Variants in CMYA5 observed in about 807,000 individuals in gnomAD.
CMYA5 encodes the protein cardiomyopathy associated 5.
Under a neutral mutation model 318.9 loss-of-function variants are expected in CMYA5, and 246 were observed. That is an observed-to-expected ratio of 0.77 (90% CI 0.70 to 0.86). The LOEUF is 0.86. Ranked by LOEUF, CMYA5 falls within the 40% of genes least tolerant of loss-of-function variation. The pLI, the probability that CMYA5 is intolerant of heterozygous loss-of-function variation, is 0.00. For missense variants in CMYA5, 4,589 were observed against 4,678.2 expected (o/e 0.98, Z 0.56); for synonymous variants, 1,641 against 1,729.5 (o/e 0.95, Z 1.27).
Position 79,689,924 on chromosome 5 carries a change from G to C in CMYA5, c.17G>C (p.Ser6Thr). ...GGAGAGGCGATGGCGAGCCGCGATA[G>C]CAACCACGCTGGCGAGAGCTTTCTC... MASRD[S>T]NHAGESFLGS... The change falls in exon 1 of 13, where the codon AGC becomes ACC. Residue 6 changes from serine (S) to threonine (T), a missense_variant. Ser to Thr is a moderately conservative substitution (Grantham distance 58, BLOSUM62 1). This residue lies in a region of CMYA5 where 2,132 missense variants were observed against 2,131.3 expected (regional missense o/e 1.00). Coordinates refer to ENST00000446378, the MANE Select transcript of CMYA5 (RefSeq NM_153610.5). The C allele has an allele frequency of 1.1e-6, 1 of 917,554 alleles. No individual in the cohort carries two copies. The highest frequency in any genetic ancestry group is 1.7e-6 in the Non-Finnish European group (1 of 575,360). 56.8% of individuals were successfully genotyped at this position (917,554 alleles called of 1,614,324 possible).
chr5:79,718,037 C>T (rs1827553252), intron 1 of CMYA5, among the ~76,000 whole-genome samples: 2 of 107,292 alleles, frequency 1.9e-5, no homozygotes, highest in African/African-American at 9.4e-5. Flanking sequence ...TACAGGCACC[C>T]GCCACTACGC....
intron 1 of CMYA5, 22 bp downstream of exon 1, chr5:79,690,078 G>T: frequency 7.1e-7 from 1 of 1,406,660 alleles, no homozygotes; most frequent in Non-Finnish European, 9.3e-7. Context: ...CTCTCTCCTC[G>T]GCCCAGGGCC....
At chr5:79,749,074 C>T (rs370416812) in intron 5 of CMYA5, among the ~76,000 whole-genome samples, 163 of 152,244 alleles carry the variant, frequency 1.1e-3, no homozygotes, top group Middle Eastern at 6.8e-3. Flanking sequence ...ACTCTTTCTT[C>T]GGTTTTGTGC....
chr5:79,733,041 C>G lies in CMYA5; in HGVS notation c.4276C>G (p.Pro1426Ala). Residue 1426 changes from proline to alanine, a missense_variant, in exon 2 of 13, where the codon CCC becomes GCC. Physicochemically the swap from Pro to Ala is conservative, Grantham distance 27. This residue lies in a region of CMYA5 where 2,132 missense variants were observed against 2,131.3 expected (regional missense o/e 1.00). Transcript: ENST00000446378. ...CAAGGTGGCAATTAAAGGTGCTTCT[C>G]CCATTGAAACTTCATCCAAACATTT... ...EDKVAIKGAS[P>A]IETSSKHLAW... The G allele has an allele frequency of 2.5e-6, 4 of 1,613,324 alleles. No individual in the cohort carries two copies. The highest frequency in any genetic ancestry group is 2.5e-6 in the Non-Finnish European group (3 of 1,179,626).
chr5:79,713,994 C>T (rs977797679), intron 1 of CMYA5, among the ~76,000 whole-genome samples: 1 of 152,102 alleles, frequency 6.6e-6, no homozygotes, highest in African/African-American at 2.4e-5. Context: ...TGTATCCCAC[C>T]GTTAGCCAAT....
rs754207746 is a variant in CMYA5, at chr5:79,735,838, A to T, written c.7073A>T (p.Asn2358Ile). The T allele has an allele frequency of 1.9e-6, 3 of 1,555,324 alleles. No homozygotes were observed. Among genetic ancestry groups the T allele is most frequent in the South Asian group, 2.5e-5 (2 of 78,800 alleles). The change falls in exon 2 of 13, where the codon AAT becomes ATT. Residue 2358 changes from asparagine (N) to isoleucine (I), a missense_variant. This residue lies in a region of CMYA5 where 2,431 missense variants were observed against 2,495.1 expected (regional missense o/e 0.97). Transcript: ENST00000446378. ...KPAIAPPSKW[N>I]ISIFKEEPRS... is the part of the protein sequence containing the mutation. ...GCAATCGCTCCTCCATCTAAATGGA[A>T]TATTTCTATTTTTAAGGAAGAGCCA... is the stretch of plus-strand genomic sequence containing the variant.
chr5:79,756,481 A>G (rs1263274213), intron 6 of CMYA5, among the ~76,000 whole-genome samples: 1 of 152,132 alleles, frequency 6.6e-6, no homozygotes, highest in Non-Finnish European at 1.5e-5. Flanking sequence ...CTATAATGAC[A>G]CTGGGAGGTA....
At chr5:79,787,266 C>A (rs547324668) in intron 9 of CMYA5, among the ~76,000 whole-genome samples, 1 of 152,156 alleles carries the variant, frequency 6.6e-6, no homozygotes, top group South Asian at 2.1e-4. Context: ...AGAGACAGGG[C>A]CTGGGCACAT....
rs772575767 is a variant in CMYA5, at chr5:79,745,293, G to A, written c.10806G>A (p.Gln3602=). 3.1e-6 allele frequency: 5 copies of A among 1,613,500 alleles called. No individual in the cohort carries two copies. Among genetic ancestry groups the A allele is most frequent in the Non-Finnish European group, 4.2e-6 (5 of 1,179,616 alleles). ...AAATGATGAAGAAGGTTTTAGCACA[G>A]TATGATGAGAAAGCCCAGAGCTTTG... is the stretch of plus-strand genomic sequence containing the variant. The part of the protein sequence containing the change: ...NEEMMKKVLA[Q]YDEKAQSFEE... Residue 3602 remains glutamine, a synonymous_variant, in exon 4 of 13, where the codon CAG becomes CAA. Coordinates refer to ENST00000446378, the MANE Select transcript of CMYA5 (RefSeq NM_153610.5).
At chr5:79,749,441 A>G (rs1451850075) in intron 5 of CMYA5, among the ~76,000 whole-genome samples, 1 of 152,202 alleles carries the variant, frequency 6.6e-6, no homozygotes, top group Non-Finnish European at 1.5e-5. Flanking sequence ...CTTGAACAAC[A>G]CGAGTTTGGA....
At chr5:79,760,618 A>G (rs1828633227) in intron 7 of CMYA5, among the ~76,000 whole-genome samples, 1 of 152,194 alleles carries the variant, frequency 6.6e-6, no homozygotes, top group South Asian at 2.1e-4. Flanking sequence ...TCAAACAACC[A>G]GATCTCTTGA....
Position 79,737,943 on chromosome 5 carries a change from G to T in CMYA5, c.9178G>T (p.Asp3060Tyr). 6.2e-7 allele frequency: 1 copy of T among 1,610,002 alleles called. No homozygotes were observed. Among genetic ancestry groups the T allele is most frequent in the South Asian group, 1.1e-5 (1 of 89,776 alleles). The change falls in exon 2 of 13, where the codon GAT becomes TAT. Residue 3060 changes from aspartate to tyrosine, a missense_variant. Coordinates refer to ENST00000446378, the MANE Select transcript of CMYA5 (RefSeq NM_153610.5). The part of the protein sequence containing the change: ...EDYFEKYTLI[D>Y]YNISPDPEKQ... ...TTATTTTGAAAAATATACTTTGATT[G>T]ATTATAACATCTCCCCAGACCCAGA... is the stretch of plus-strand genomic sequence containing the variant.
At chr5:79,756,756 G>T (rs1292940952) in intron 6 of CMYA5, among the ~76,000 whole-genome samples, 1 of 151,968 alleles carries the variant, frequency 6.6e-6, no homozygotes, top group African/African-American at 2.4e-5. Context: ...TTGCTGAACT[G>T]ATCTTTATTT....
rs1828045473 is a variant in CMYA5, at chr5:79,735,702, G to A, written c.6937G>A (p.Glu2313Lys). The A allele has an allele frequency of 6.2e-7, 1 of 1,600,656 alleles. No homozygotes were observed. Among genetic ancestry groups the A allele is most frequent in the South Asian group, 1.1e-5 (1 of 87,308 alleles). Residue 2313 changes from glutamate to lysine, a missense_variant, in exon 2 of 13, where the codon GAG becomes AAG. Transcript: ENST00000446378. ...INSVVTSADGENLEIQSYSLI... is the reference protein window; with the variant it reads ...INSVVTSADGKNLEIQSYSLI... ...CTCAGTAGTTACTTCTGCTGATGGT[G>A]AGAACCTTGAAATTCAATCTTATTC...
chr5:79,749,575 A>G (rs1828393539), intron 5 of CMYA5, among the ~76,000 whole-genome samples: 1 of 152,248 alleles, frequency 6.6e-6, no homozygotes, highest in Admixed American at 6.5e-5. Context: ...TTGAAAAATT[A>G]AGAAAATGTT....
In CMYA5 at chr5:79,739,130, G is replaced by A; in HGVS notation, c.10365G>A (p.Lys3455=). Residue 3455 remains lysine, a synonymous_variant, in exon 2 of 13, where the codon AAG becomes AAA. Transcript: ENST00000446378. ...STPEDVLSQG[K]ESFEHISENE... ...CTGAAGATGTCTTATCTCAAGGAAAGGAATCCTTTGAGCACATCAGTGAAA... is the reference window on the plus strand; with the variant it reads ...CTGAAGATGTCTTATCTCAAGGAAAAGAATCCTTTGAGCACATCAGTGAAA... 6.2e-7 allele frequency: 1 copy of A among 1,613,814 alleles called. No homozygotes were observed. Among genetic ancestry groups the A allele is most frequent in the African/African-American group, 1.3e-5 (1 of 75,016 alleles).
intron 1 of CMYA5, among the ~76,000 whole-genome samples, chr5:79,704,251 G>A (rs1401326623): frequency 6.6e-6 from 1 of 151,956 alleles, no homozygotes; most frequent in East Asian, 1.9e-4. Context: ...TCTCTGTCAA[G>A]GCAGGAATCC....
Position 79,730,542 on chromosome 5 carries a change from G to C in CMYA5, c.1777G>C (p.Ala593Pro). 1 of 1,613,976 alleles carries C rather than the reference G, an allele frequency of 6.2e-7. No homozygotes were observed. The change falls in exon 2 of 13, where the codon GCT (alanine) becomes CCT (proline). Residue 593 changes from alanine (A) to proline (P), a missense_variant. Coordinates refer to ENST00000446378, the MANE Select transcript of CMYA5 (RefSeq NM_153610.5). ...AATTGCATCTGTTTCTACTGGTTCT[G>C]CTTTTGTATCAGAGTATTCAGTACC... ...EEIASVSTGSAFVSEYSVPQD... is the reference protein window; with the variant it reads ...EEIASVSTGSPFVSEYSVPQD...
At chr5:79,748,580 T>C (rs1828375222) in intron 5 of CMYA5, among the ~76,000 whole-genome samples, 1 of 152,070 alleles carries the variant, frequency 6.6e-6, no homozygotes, top group Non-Finnish European at 1.5e-5. Context: ...TCTCACTCTG[T>C]CACCCAGGCT....
Sources: allele counts gnomAD v4.1 joint callset (sites outside exome capture counted in the v4.1 genomes callset), GRCh38; gene constraint gnomAD v4.1.1; regional missense constraint gnomAD v4.1.1; transcripts MANE v1.5; gene names NCBI Gene and HGNC (gene_info 2026-07-23, HGNC 2026-07-21).